Variants in GPR107 observed in about 807,000 individuals in gnomAD.
GPR107 encodes protein GPR107.
In GPR107, 31 loss-of-function variants were observed where a neutral mutation model predicts 75.5. The observed-to-expected ratio is 0.41, with a 90% CI of 0.31 to 0.55. The LOEUF (loss-of-function observed/expected upper bound fraction) is 0.55. Among genes scored for constraint, GPR107 ranks in the 20% least tolerant of loss-of-function variants. The probability of loss-of-function intolerance (pLI) is 0.26; values close to 1 mark genes in which losing one functional copy is unlikely to be tolerated. For synonymous variants in GPR107, 267 were observed against 251.3 expected, an observed-to-expected ratio of 1.06 and a Z score of -0.59; for missense variants, 572 against 665.7, an observed-to-expected ratio of 0.86 and a Z score of 1.55.
intron 5 of GPR107, among the ~76,000 whole-genome samples, 200 bp downstream of exon 5, chr9:130,079,969 AT>A (rs1170366795): frequency 6.6e-6 from 1 of 152,238 alleles, no homozygotes; most frequent in Non-Finnish European, 1.5e-5. Flanking sequence ...ATTTCTCCTT[AT>A]TCCCAGTGTT....
intron 17 of GPR107, among the ~76,000 whole-genome samples, chr9:130,131,558 C>T (rs1831828168): frequency 6.6e-6 from 1 of 152,010 alleles, no homozygotes; most frequent in Non-Finnish European, 1.5e-5. Flanking sequence ...GCCCCTGCTA[C>T]CCCCTCACTG....
At chr9:130,085,060 C>T (rs545480237) in intron 6 of GPR107, among the ~76,000 whole-genome samples, 1 of 152,160 alleles carries the variant, frequency 6.6e-6, no homozygotes, top group African/African-American at 2.4e-5. Flanking sequence ...TAATATAGGG[C>T]CAAGCAATAG....
chr9:130,122,520 CAG>C (rs1389082255), intron 14 of GPR107, among the ~76,000 whole-genome samples: 2 of 152,218 alleles, frequency 1.3e-5, no homozygotes, highest in Non-Finnish European at 2.9e-5. Context: ...TCCCATCCCT[CAG>C]GGGAGGAGGA....
chr9:130,117,732 A>G (rs1290955954), intron 14 of GPR107, among the ~76,000 whole-genome samples: 1 of 151,756 alleles, frequency 6.6e-6, no homozygotes, highest in Admixed American at 6.6e-5. Flanking sequence ...GAAGCCCAGC[A>G]GAGAGGAAGC....
chr9:130,122,603 C>T (rs553815350), intron 14 of GPR107, among the ~76,000 whole-genome samples: 5 of 152,252 alleles, frequency 3.3e-5, no homozygotes, highest in South Asian at 2.1e-4. Flanking sequence ...ATTTGTGCTT[C>T]GGTGCCCTTC....
intron 10 of GPR107, among the ~76,000 whole-genome samples, chr9:130,099,846 A>G (rs1431319521): frequency 7.7e-6 from 1 of 130,352 alleles, no homozygotes; most frequent in Non-Finnish European, 1.7e-5. Flanking sequence ...TGAGAGTGCC[A>G]CCTGCTGACT....
At chr9:130,078,492 T>C (rs1473726515) in intron 4 of GPR107, among the ~76,000 whole-genome samples, 1 of 152,232 alleles carries the variant, frequency 6.6e-6, no homozygotes, top group East Asian at 1.9e-4. Flanking sequence ...TCTCCTGTAT[T>C]GGTCAGTCTA....
Position 130,127,527 on chromosome 9 carries a change from C to T in GPR107, c.1401C>T (p.Leu467=), listed in dbSNP as rs143281024. 1 of 1,604,134 alleles carries T rather than the reference C, an allele frequency of 6.2e-7. No individual in the cohort carries two copies. The highest frequency in any genetic ancestry group is 1.3e-5 in the African/African-American group (1 of 74,724). ...IYFTRIIAFL[L]KLAVPFQWKW... ...TCACTAGGATCATTGCATTTCTCCTCAAACTCGCTGTTCCATTCCAGTGGA... is the reference window on the plus strand; with the variant it reads ...TCACTAGGATCATTGCATTTCTCCTTAAACTCGCTGTTCCATTCCAGTGGA... The change falls in exon 16 of 18, where the codon CTC becomes CTT. Residue 467 remains leucine (L), a synonymous_variant. Transcript: ENST00000347136.
chr9:130,116,879 C>G (rs977235097), intron 14 of GPR107, among the ~76,000 whole-genome samples: 1 of 151,824 alleles, frequency 6.6e-6, no homozygotes, highest in Non-Finnish European at 1.5e-5. Flanking sequence ...TATGCACAGT[C>G]CTTAACTGTT....
chr9:130,120,086 G>A (rs1831515013), intron 14 of GPR107, among the ~76,000 whole-genome samples: 1 of 152,224 alleles, frequency 6.6e-6, no homozygotes, highest in Non-Finnish European at 1.5e-5. Flanking sequence ...GGGATTATAG[G>A]CATGAGCCAG....
At chr9:130,061,175 C>T (rs1450131438) in intron 1 of GPR107, among the ~76,000 whole-genome samples, 1 of 152,102 alleles carries the variant, frequency 6.6e-6, no homozygotes, top group Non-Finnish European at 1.5e-5. Flanking sequence ...AGGCAGTGAG[C>T]GGGACTAAGC....
intron 1 of GPR107, among the ~76,000 whole-genome samples, chr9:130,070,012 A>ATTTTTTTT (rs1830166309): frequency 5.1e-5 from 2 of 39,252 alleles, no homozygotes; most frequent in Non-Finnish European, 9.4e-5. Context: ...TTTTTTTTTT[A>ATTTTTTTT]AATTTTTTTG....
At chr9:130,085,753 G>GCTTTTTTT (rs1189602398) in intron 6 of GPR107, among the ~76,000 whole-genome samples, 1 of 32,262 alleles carries the variant, frequency 3.1e-5, no homozygotes, top group Non-Finnish European at 5.7e-5. Flanking sequence ...GCAATATTTT[G>GCTTTTTTT]ATTTTTTTTT....
intron 14 of GPR107, among the ~76,000 whole-genome samples, chr9:130,109,108 TTCTGCC>T (rs1831233758): frequency 6.6e-6 from 1 of 151,344 alleles, no homozygotes; most frequent in South Asian, 2.1e-4. Flanking sequence ...CAAGCAATTC[TTCTGCC>T]TCAGCCTCCC....
At chr9:130,092,110 G>A in intron 8 of GPR107, 138 bp from the exon 9 acceptor site, 2 of 681,136 alleles carry the variant, frequency 2.9e-6, no homozygotes, top group South Asian at 3.7e-5. Context: ...AAAGTGCTGA[G>A]ATTACAGGTG....
At chr9:130,083,826 T>G (rs1399236793) in intron 6 of GPR107, among the ~76,000 whole-genome samples, 1 of 152,054 alleles carries the variant, frequency 6.6e-6, no homozygotes, top group Non-Finnish European at 1.5e-5. Context: ...GGCATAGTAT[T>G]TACACATAAC....
At chr9:130,107,344 CT>C (rs1347990403) in intron 13 of GPR107, 151 bp from the exon 14 acceptor site, 8 of 649,394 alleles carry the variant, frequency 1.2e-5, no homozygotes, top group Admixed American at 8.9e-5. Flanking sequence ...ATTTCCCCCC[CT>C]CTACCCGTTT....
chr9:130,100,137 C>T (rs981548737), intron 10 of GPR107, among the ~76,000 whole-genome samples: 3 of 152,000 alleles, frequency 2.0e-5, no homozygotes, highest in South Asian at 2.1e-4. Context: ...CCTCGTGATC[C>T]GCCCGCCTCA....
chr9:130,061,990 T>C (rs1401219498), intron 1 of GPR107, among the ~76,000 whole-genome samples: 1 of 151,916 alleles, frequency 6.6e-6, no homozygotes, highest in Admixed American at 6.6e-5. Context: ...AGAGCTTATG[T>C]CTGGAAGAGG....
Sources: allele counts gnomAD v4.1 joint callset (sites outside exome capture counted in the v4.1 genomes callset), GRCh38; gene constraint gnomAD v4.1.1; transcripts MANE v1.5; gene names NCBI Gene and HGNC (gene_info 2026-07-23, HGNC 2026-07-21).